PRKG1: variants seen among roughly 807,000 people sequenced by gnomAD.
The protein encoded by PRKG1 is protein kinase cGMP-dependent 1.
PRKG1 carries 35 observed loss-of-function variants against 88.1 expected under a neutral mutation model. The observed-to-expected ratio is 0.40, with a 90% CI of 0.30 to 0.53. PRKG1 has a LOEUF of 0.53. Among genes scored for constraint, PRKG1 ranks in the 20% least tolerant of loss-of-function variants. PRKG1 has a pLI of 0.59. For missense variants in PRKG1, 540 were observed against 839.8 expected, an observed-to-expected ratio of 0.64 and a Z score of 4.41; for synonymous variants, 303 against 292.5, an observed-to-expected ratio of 1.04 and a Z score of -0.37.
At chr10:51,146,044 C>T (rs927425333) in intron 1 of PRKG1, among the ~76,000 whole-genome samples, 3 of 151,960 alleles carry the variant, frequency 2.0e-5, no homozygotes, top group South Asian at 2.1e-4. Context: ...AAAAAAACAG[C>T]CAGGCATGGT....
At chr10:52,057,857 A>G (rs1846146087) in intron 6 of PRKG1, among the ~76,000 whole-genome samples, 1 of 152,110 alleles carries the variant, frequency 6.6e-6, no homozygotes, top group Non-Finnish European at 1.5e-5. Context: ...GTTTATGTAT[A>G]CATTATGGTG....
intron 5 of PRKG1, chr10:51,910,956 T>C (rs1483606634): frequency 6.6e-6 from 1 of 152,222 alleles, no homozygotes; most frequent in African/African-American, 2.4e-5. Context: ...TGCTTTTGTC[T>C]CTAGGTACTG....
chr10:52,293,748 C>T (rs1842321456), intron 17 of PRKG1, 54 bp from the exon 18 acceptor site: 1 of 1,428,932 alleles, frequency 7.0e-7, no homozygotes, highest in African/African-American at 1.4e-5. Flanking sequence ...AAAATTCCAG[C>T]TTGGAATTCC....
rs1057315064 is a variant in PRKG1 at position 51,397,301 on chromosome 10, A to G, written c.479-70422A>G. 5.9e-5 allele frequency among the ~76,000 whole-genome samples: 9 copies of G among 152,264 alleles called. No individual in the cohort carries two copies. The South Asian group carries it at 1.9e-3, about 32-fold the overall frequency. On this transcript the variant is annotated intron_variant, in intron 2 of 17. Coordinates refer to ENST00000373980, the MANE Select transcript of PRKG1 (RefSeq NM_006258.4). ...CAAGACCTTTGGGGCCATCATGATT[A>G]ACCTTCTATGTAGTTACAAATGCTT...
intron 4 of PRKG1, among the ~76,000 whole-genome samples, chr10:51,898,305 A>G (rs1380387470): frequency 1.3e-5 from 2 of 152,148 alleles, no homozygotes; most frequent in Non-Finnish European, 2.9e-5. Context: ...AAAATTCTGT[A>G]GCCATTATCT....
At chr10:51,427,223 C>A (rs999699200) in intron 2 of PRKG1, among the ~76,000 whole-genome samples, 2 of 151,910 alleles carry the variant, frequency 1.3e-5, no homozygotes, top group African/African-American at 4.8e-5. Context: ...AAGGGAGAGG[C>A]AGAGAGGGAG....
intron 4 of PRKG1, among the ~76,000 whole-genome samples, chr10:51,812,540 G>A (rs761486722): frequency 1.3e-4 from 20 of 152,276 alleles, no homozygotes; most frequent in Non-Finnish European, 2.4e-4. Flanking sequence ...GATTCAGAAA[G>A]CTGCAGTGGA....
intron 3 of PRKG1, among the ~76,000 whole-genome samples, chr10:51,773,943 T>C (rs567714861): frequency 6.6e-6 from 1 of 152,206 alleles, no homozygotes; most frequent in East Asian, 1.9e-4. Flanking sequence ...AATTTCTATA[T>C]TAGTAAGTGG....
intron 8 of PRKG1, among the ~76,000 whole-genome samples, chr10:52,142,972 C>T (rs903216271): frequency 6.6e-5 from 10 of 152,050 alleles, no homozygotes; most frequent in African/African-American, 1.4e-4. Context: ...TTGAAATGAA[C>T]GAATGAATGA....
In PRKG1 at chr10:52,297,660, C is replaced by T. The variant is rs1267729927; in HGVS notation, c.*3760C>T. ...ATATGACATTCTATCAGTCTGTATACAGGTATTCCTGTTTTGCTAAGCTGT... is the reference window on the plus strand; with the variant it reads ...ATATGACATTCTATCAGTCTGTATATAGGTATTCCTGTTTTGCTAAGCTGT... On this transcript the variant is annotated 3_prime_UTR_variant, in exon 18 of 18. Transcript: ENST00000373980. 2.0e-5 allele frequency: 3 copies of T among 152,086 alleles called. No individual in the cohort carries two copies. The highest frequency in any genetic ancestry group is 7.2e-5 in the African/African-American group (3 of 41,430). 9.4% of individuals were successfully genotyped at this position (152,086 alleles called of 1,614,324 possible).
intron 1 of PRKG1, among the ~76,000 whole-genome samples, chr10:51,106,700 C>A (rs991794127): frequency 6.6e-6 from 1 of 152,068 alleles, no homozygotes; most frequent in Non-Finnish European, 1.5e-5. Flanking sequence ...TAAAATGAAG[C>A]CAGGGAATAG....
chr10:51,506,258 G>A (rs1009873006), intron 3 of PRKG1, among the ~76,000 whole-genome samples: 17 of 152,270 alleles, frequency 1.1e-4, no homozygotes, highest in African/African-American at 4.1e-4. Flanking sequence ...AGGACTTCAT[G>A]TCTAAAACAC....
intron 9 of PRKG1, among the ~76,000 whole-genome samples, chr10:52,226,296 T>C (rs1840387528): frequency 6.6e-6 from 1 of 152,156 alleles, no homozygotes; most frequent in South Asian, 2.1e-4. Flanking sequence ...GTCTATGAAA[T>C]GCCTGTTAGC....
chr10:51,707,518 T>C (rs1411168350), intron 3 of PRKG1, among the ~76,000 whole-genome samples: 2 of 152,086 alleles, frequency 1.3e-5, no homozygotes, highest in African/African-American at 4.8e-5. Context: ...CCTCATAAAC[T>C]GTGGAAAAGT....
intron 9 of PRKG1, among the ~76,000 whole-genome samples, chr10:52,221,566 C>A (rs1450657809): frequency 2.6e-5 from 4 of 151,772 alleles, no homozygotes; most frequent in Non-Finnish European, 5.9e-5. Flanking sequence ...TAAAAGAAAA[C>A]CAGAATATGA....
At chr10:51,034,580 A>G (rs1261460189) in intron 1 of PRKG1, among the ~76,000 whole-genome samples, 2 of 150,008 alleles carry the variant, frequency 1.3e-5, no homozygotes, top group African/African-American at 2.4e-5. Flanking sequence ...TAATTGCTGT[A>G]TACACTAAAT....
chr10:51,927,246 T>C (rs968619268), intron 5 of PRKG1, among the ~76,000 whole-genome samples: 1 of 152,180 alleles, frequency 6.6e-6, no homozygotes, highest in Admixed American at 6.5e-5. Context: ...CTTGTGGTAG[T>C]GACTGTGTCT....
At chr10:51,063,163 C>T (rs1454840539) in intron 1 of PRKG1, among the ~76,000 whole-genome samples, 1 of 152,222 alleles carries the variant, frequency 6.6e-6, no homozygotes, top group Admixed American at 6.5e-5. Context: ...TCCTATTTTT[C>T]CTTGTTATGG....
chr10:52,231,819 G>T (rs1369201998), intron 9 of PRKG1, among the ~76,000 whole-genome samples: 1 of 152,138 alleles, frequency 6.6e-6, no homozygotes, highest in Non-Finnish European at 1.5e-5. Flanking sequence ...TAATCAGCAA[G>T]TAACACTCTA....
Sources: gnomAD v4.1 joint callset for allele counts (sites outside exome capture counted in the v4.1 genomes callset) on GRCh38, gnomAD v4.1.1 for gene constraint, MANE v1.5 for transcripts, NCBI Gene and HGNC (gene_info 2026-07-23, HGNC 2026-07-21) for gene names.